ZDHHC11B: variants seen among roughly 807,000 people sequenced by gnomAD.
ZDHHC11B encodes zDHHC palmitoyltransferase 11B (putative).
Under a neutral mutation model 42.3 loss-of-function variants are expected in ZDHHC11B, and 17 were observed. That is an observed-to-expected ratio of 0.40 (90% CI 0.27 to 0.60). The LOEUF is 0.60. Among genes scored for constraint, ZDHHC11B ranks in the 20% least tolerant of loss-of-function variants. The probability of loss-of-function intolerance (pLI) is 0.41; values close to 1 mark genes in which losing one functional copy is unlikely to be tolerated. For missense variants in ZDHHC11B, 262 were observed against 463.2 expected (o/e 0.57, Z 3.99); for synonymous variants, 123 against 193.5 (o/e 0.64, Z 3.02).
At chr5:756,482 G>A (rs549067630) in intron 4 of ZDHHC11B, among the ~76,000 whole-genome samples, 4 of 151,856 alleles carry the variant, frequency 2.6e-5, no homozygotes, top group South Asian at 2.1e-4. Context: ...GTCGGGGACC[G>A]GGAAGGCTGC....
chr5:760,245 C>T (rs1431641227), intron 4 of ZDHHC11B, among the ~76,000 whole-genome samples: 1 of 151,890 alleles, frequency 6.6e-6, no homozygotes, highest in African/African-American at 2.4e-5. Context: ...AAGCCCTAAC[C>T]CGCAGCACCC....
chr5:779,793 AAAAG>A (rs1487085977), intron 1 of ZDHHC11B, among the ~76,000 whole-genome samples: 2 of 151,834 alleles, frequency 1.3e-5, no homozygotes, highest in Non-Finnish European at 2.9e-5. Flanking sequence ...GCACCAGATT[AAAAG>A]AAAGAACTTC....
At chr5:775,567 AGCCCC>A (rs1736405218) in intron 1 of ZDHHC11B, among the ~76,000 whole-genome samples, 1 of 151,856 alleles carries the variant, frequency 6.6e-6, no homozygotes, top group Admixed American at 6.6e-5. Context: ...GGTTCCCAGG[AGCCCC>A]GCGTGCTTCT....
chr5:770,366 AC>A (rs1287743643), intron 1 of ZDHHC11B, among the ~76,000 whole-genome samples: 2 of 149,718 alleles, frequency 1.3e-5, no homozygotes, highest in African/African-American at 4.9e-5. Context: ...TGGGCCAAGG[AC>A]CCCCTAAGCC....
intron 13 of ZDHHC11B, among the ~76,000 whole-genome samples, chr5:716,297 A>T (rs1028301489): frequency 2.0e-5 from 3 of 151,358 alleles, no homozygotes; most frequent in African/African-American, 7.3e-5. Context: ...AAATTCCTTT[A>T]GCCTTCTAGT....
At chr5:764,951 G>C (rs1187526130) in intron 4 of ZDHHC11B, among the ~76,000 whole-genome samples, 1 of 19,308 alleles carries the variant, frequency 5.2e-5, no homozygotes, top group Non-Finnish European at 1.3e-4. Flanking sequence ...TAATCTGGTG[G>C]GGACTTGGAG....
intron 1 of ZDHHC11B, among the ~76,000 whole-genome samples, 26 bp downstream of exon 1, chr5:784,642 C>T (rs1436231265): frequency 3.3e-4 from 50 of 151,440 alleles, no homozygotes; most frequent in Non-Finnish European, 6.7e-4. Context: ...GCCGCGCCCG[C>T]AGGACCGAGC....
intron 10 of ZDHHC11B, among the ~76,000 whole-genome samples, chr5:739,323 A>C (rs569095764): frequency 1.3e-5 from 2 of 151,474 alleles, no homozygotes; most frequent in Non-Finnish European, 2.9e-5. Context: ...GCTTCAACCC[A>C]GGAGGCAGAG....
intron 4 of ZDHHC11B, among the ~76,000 whole-genome samples, chr5:761,108 C>T (rs1381958411): frequency 6.6e-6 from 1 of 151,880 alleles, no homozygotes; most frequent in Non-Finnish European, 1.5e-5. Context: ...ATTAAAAAAT[C>T]CTGTCAAGCA....
At chr5:731,533 C>T (rs1434651618) in intron 11 of ZDHHC11B, among the ~76,000 whole-genome samples, 7 of 151,058 alleles carry the variant, frequency 4.6e-5, no homozygotes, top group Admixed American at 2.0e-4. Context: ...TGGTGAAGAA[C>T]GTGTTCAATC....
At chr5:724,371 ATTTTTTTTT>A (rs386402805) in intron 12 of ZDHHC11B, among the ~76,000 whole-genome samples, 2 of 81,418 alleles carry the variant, frequency 2.5e-5, no homozygotes, top group Admixed American at 1.8e-4. Flanking sequence ...AACCCAGCTA[ATTTTTTTTT>A]TTTTTTTTTT....
chr5:750,650 T>C (rs1261983574), intron 7 of ZDHHC11B, among the ~76,000 whole-genome samples: 1 of 124,828 alleles, frequency 8.0e-6, no homozygotes, highest in Non-Finnish European at 1.8e-5. Context: ...AGTGTGAGCA[T>C]TGGTTCCCGA....
intron 4 of ZDHHC11B, among the ~76,000 whole-genome samples, chr5:762,511 T>A (rs1401828966): frequency 6.6e-6 from 1 of 151,712 alleles, no homozygotes; most frequent in East Asian, 1.9e-4. Flanking sequence ...AAGGGAACTT[T>A]AGCTGCACAA....
At chr5:771,065 G>T (rs1735988291) in intron 1 of ZDHHC11B, among the ~76,000 whole-genome samples, 2 of 151,880 alleles carry the variant, frequency 1.3e-5, no homozygotes, top group Non-Finnish European at 2.9e-5. Flanking sequence ...CACCAGGTGG[G>T]CCGTCAGCAC....
chr5:755,349 T>C (rs1427057110), intron 5 of ZDHHC11B, among the ~76,000 whole-genome samples: 1,650 of 109,618 alleles, frequency 0.015, 2 homozygotes, highest in African/African-American at 0.052. Context: ...GCCCTGAGCA[T>C]AGACCCCCCG....
intron 1 of ZDHHC11B, among the ~76,000 whole-genome samples, chr5:784,368 C>G (rs569523987): frequency 6.6e-6 from 1 of 151,946 alleles, no homozygotes; most frequent in Non-Finnish European, 1.5e-5. Context: ...AAGGCCAAAG[C>G]GCCAGGCACA....
At chr5:758,456 G>A (rs1251053708) in intron 4 of ZDHHC11B, among the ~76,000 whole-genome samples, 1 of 151,848 alleles carries the variant, frequency 6.6e-6, no homozygotes, top group Non-Finnish European at 1.5e-5. Flanking sequence ...TGCTGCTGGG[G>A]GCCACCAGGA....
intron 1 of ZDHHC11B, among the ~76,000 whole-genome samples, chr5:777,524 C>T (rs1282685834): frequency 6.6e-6 from 1 of 151,884 alleles, no homozygotes; most frequent in Non-Finnish European, 1.5e-5. Flanking sequence ...AAACTTTCCA[C>T]AGCGGAGAAG....
At chr5:756,754 G>A (rs1413072434) in intron 4 of ZDHHC11B, among the ~76,000 whole-genome samples, 4 of 151,644 alleles carry the variant, frequency 2.6e-5, no homozygotes, top group East Asian at 1.9e-4. Flanking sequence ...TCAGACAGGA[G>A]GAGCAGGGGG....
Sources: allele counts gnomAD v4.1 joint callset (sites outside exome capture counted in the v4.1 genomes callset), GRCh38; gene constraint gnomAD v4.1.1; transcripts MANE v1.5; gene names NCBI Gene and HGNC (gene_info 2026-07-23, HGNC 2026-07-21).